The following CNTNAP5 variants were observed in gnomAD, a reference collection of about 807,000 sequenced individuals.
CNTNAP5 encodes the protein contactin associated protein family member 5.
CNTNAP5 carries 72 observed loss-of-function variants against 150.2 expected under a neutral mutation model. The observed-to-expected ratio is 0.48, with a 90% CI of 0.40 to 0.58. The LOEUF (loss-of-function observed/expected upper bound fraction) is 0.58, where lower values mean the gene tolerates loss of function less well. Among genes scored for constraint, CNTNAP5 ranks in the 20% least tolerant of loss-of-function variants. The probability of loss-of-function intolerance (pLI) is 0.00; values close to 1 mark genes in which losing one functional copy is unlikely to be tolerated. For missense variants in CNTNAP5, 1,636 were observed against 1,626.2 expected (o/e 1.01, Z -0.10); for synonymous variants, 672 against 619.8 (o/e 1.08, Z -1.25).
intron 1 of CNTNAP5, among the ~76,000 whole-genome samples, chr2:124,200,762 T>C (rs1315197054): frequency 1.3e-5 from 2 of 152,226 alleles, no homozygotes; most frequent in African/African-American, 2.4e-5. Context: ...CCTACCTGTA[T>C]CCTGAAATCC....
intron 22 of CNTNAP5, among the ~76,000 whole-genome samples, chr2:124,903,968 C>T (rs1214094687): frequency 6.8e-6 from 1 of 147,766 alleles, no homozygotes; most frequent in Non-Finnish European, 1.5e-5. Context: ...GAATGAGAAT[C>T]GCTTGAACCT....
intron 19 of CNTNAP5, among the ~76,000 whole-genome samples, chr2:124,817,802 G>A (rs1682397047): frequency 6.6e-6 from 1 of 152,166 alleles, no homozygotes; most frequent in South Asian, 2.1e-4. Context: ...TTCTGACTAG[G>A]CACCTATGTT....
rs1677859758 is a variant in CNTNAP5, at chr2:124,631,498, G to T, written c.1877-16260G>T. ...GAAAAGATTCCCTATTTAATAAGGT[G>T]CTGGGAGAACTGGCTAGCCATATGC... On this transcript the variant is annotated intron_variant, in intron 12 of 23. Coordinates refer to ENST00000682447, the MANE Select transcript of CNTNAP5 (RefSeq NM_001367498.1). Among the ~76,000 whole-genome samples the T allele has an allele frequency of 2.6e-5, 4 of 152,196 alleles. No homozygotes were observed. The South Asian group carries it at 8.3e-4, about 32-fold the overall frequency.
chr2:124,417,913 T>C (rs1691967035), intron 4 of CNTNAP5, among the ~76,000 whole-genome samples: 1 of 152,194 alleles, frequency 6.6e-6, no homozygotes, highest in South Asian at 2.1e-4. Flanking sequence ...CATTAGGTAT[T>C]ATAAAGTCTT....
intron 13 of CNTNAP5, among the ~76,000 whole-genome samples, chr2:124,686,333 GACA>G (rs1237653530): frequency 6.6e-6 from 1 of 152,110 alleles, no homozygotes; most frequent in Non-Finnish European, 1.5e-5. Flanking sequence ...AGATTTAAAG[GACA>G]ACATGACACT....
At chr2:124,464,768 A>G (rs1467626272) in intron 6 of CNTNAP5, among the ~76,000 whole-genome samples, 1 of 152,210 alleles carries the variant, frequency 6.6e-6, no homozygotes, top group African/African-American at 2.4e-5. Flanking sequence ...GCAGAAATTC[A>G]TCCACCCTTG....
At chr2:124,145,806 AAAC>A (rs1332097552) in intron 1 of CNTNAP5, among the ~76,000 whole-genome samples, 11 of 47,720 alleles carry the variant, frequency 2.3e-4, no homozygotes, top group African/African-American at 7.6e-4. Context: ...AAAAAAAAAA[AAAC>A]ATTAAAAAAA....
chr2:124,694,702 G>A (rs1679369088), intron 13 of CNTNAP5, among the ~76,000 whole-genome samples: 1 of 152,130 alleles, frequency 6.6e-6, no homozygotes, highest in African/African-American at 2.4e-5. Flanking sequence ...ACAAATAATA[G>A]TAAAAATGCA....
chr2:124,487,515 G>A (rs1482510286), intron 7 of CNTNAP5, among the ~76,000 whole-genome samples: 3 of 152,034 alleles, frequency 2.0e-5, no homozygotes, highest in African/African-American at 7.2e-5. Flanking sequence ...TGTTTGTGCA[G>A]CTGAAAATCT....
At chr2:124,240,744 T>C (rs753440170) in intron 2 of CNTNAP5, among the ~76,000 whole-genome samples, 1 of 152,134 alleles carries the variant, frequency 6.6e-6, no homozygotes, top group Admixed American at 6.6e-5. Context: ...CAACCACAAT[T>C]TGCAAGATGT....
chr2:124,766,078 C>G (rs1388685095), intron 16 of CNTNAP5, among the ~76,000 whole-genome samples: 1 of 152,138 alleles, frequency 6.6e-6, no homozygotes. Context: ...CTTAGAATTA[C>G]TTGTGTATGG....
chr2:124,460,669 T>A (rs979297543), intron 6 of CNTNAP5, among the ~76,000 whole-genome samples: 2 of 152,194 alleles, frequency 1.3e-5, no homozygotes, highest in Admixed American at 6.5e-5. Context: ...ATGATATTAA[T>A]CTGCATTCTA....
At chr2:124,707,543 C>T (rs1020781487) in intron 13 of CNTNAP5, among the ~76,000 whole-genome samples, 7 of 147,212 alleles carry the variant, frequency 4.8e-5, no homozygotes, top group Admixed American at 2.7e-4. Flanking sequence ...CTCCACCCAT[C>T]GCATCATTGT....
chr2:124,191,655 C>G (rs540861363), intron 1 of CNTNAP5, among the ~76,000 whole-genome samples: 1 of 152,062 alleles, frequency 6.6e-6, no homozygotes, highest in African/African-American at 2.4e-5. Flanking sequence ...GTGGCTCATG[C>G]CTGTAATCCC....
chr2:124,258,261 C>T (rs1435297348), intron 3 of CNTNAP5, among the ~76,000 whole-genome samples: 2 of 152,056 alleles, frequency 1.3e-5, no homozygotes, highest in African/African-American at 4.8e-5. Context: ...TGTTCCCAGC[C>T]AACAGTTTTC....
At chr2:124,460,446 C>T (rs754995285) in intron 6 of CNTNAP5, among the ~76,000 whole-genome samples, 6 of 152,102 alleles carry the variant, frequency 3.9e-5, no homozygotes, top group East Asian at 1.9e-4. Context: ...TTTAAAAACA[C>T]GTATTACTTT....
At chr2:124,042,485 G>T (rs1403550295) in intron 1 of CNTNAP5, among the ~76,000 whole-genome samples, 3 of 152,150 alleles carry the variant, frequency 2.0e-5, no homozygotes, top group Non-Finnish European at 4.4e-5. Context: ...GACAGACAAG[G>T]ATAACATGGA....
intron 1 of CNTNAP5, among the ~76,000 whole-genome samples, chr2:124,069,099 G>C (rs1188564018): frequency 6.6e-6 from 1 of 152,070 alleles, no homozygotes; most frequent in Non-Finnish European, 1.5e-5. Context: ...TTGAGCCAGA[G>C]GGGAGCCCAT....
chr2:124,722,718 T>A (rs1467717696), intron 13 of CNTNAP5, among the ~76,000 whole-genome samples: 1 of 152,112 alleles, frequency 6.6e-6, no homozygotes, highest in Admixed American at 6.6e-5. Context: ...AGAAAATGAA[T>A]TGGAGGCAGC....
Sources: gnomAD v4.1 joint callset for allele counts (sites outside exome capture counted in the v4.1 genomes callset) on GRCh38, gnomAD v4.1.1 for gene constraint, MANE v1.5 for transcripts, NCBI Gene and HGNC (gene_info 2026-07-23, HGNC 2026-07-21) for gene names.